CCSER1: variants seen among roughly 807,000 people sequenced by gnomAD.
The protein encoded by CCSER1 is coiled-coil serine rich protein 1, also known as serine-rich coiled-coil domain-containing protein 1.
In CCSER1, 41 loss-of-function variants were observed where a neutral mutation model predicts 82.0. The observed-to-expected ratio is 0.50, with a 90% CI of 0.39 to 0.65. The LOEUF is 0.65. Ranked by LOEUF, CCSER1 falls within the 30% of genes least tolerant of loss-of-function variation. The probability of loss-of-function intolerance (pLI) is 0.00; values close to 1 mark genes in which losing one functional copy is unlikely to be tolerated. For synonymous variants in CCSER1, 414 were observed against 383.9 expected (o/e 1.08, Z -0.92); for missense variants, 1,119 against 1,064.2 (o/e 1.05, Z -0.72).
At chr4:91,144,325 C>T (rs1729335626) in intron 10 of CCSER1, among the ~76,000 whole-genome samples, 1 of 150,494 alleles carries the variant, frequency 6.6e-6, no homozygotes. Context: ...TTTGTTGTTT[C>T]TGATTTGCAT....
At chr4:91,234,863 C>A (rs917102795) in intron 10 of CCSER1, among the ~76,000 whole-genome samples, 1 of 152,054 alleles carries the variant, frequency 6.6e-6, no homozygotes, top group Non-Finnish European at 1.5e-5. Context: ...TCTTTAGAAA[C>A]TCACGTTATC....
At chr4:91,572,816 A>T (rs1378927535) in intron 10 of CCSER1, among the ~76,000 whole-genome samples, 1 of 151,980 alleles carries the variant, frequency 6.6e-6, no homozygotes. Flanking sequence ...CTATAAAAAA[A>T]AAAAAAAAAG....
chr4:91,442,920 G>A (rs896095129), intron 10 of CCSER1, among the ~76,000 whole-genome samples: 5 of 152,230 alleles, frequency 3.3e-5, no homozygotes, highest in African/African-American at 1.2e-4. Context: ...AAACCGCAGT[G>A]AGATACCATC....
intron 10 of CCSER1, among the ~76,000 whole-genome samples, chr4:91,399,771 C>T (rs1752208100): frequency 2.0e-5 from 3 of 151,932 alleles, no homozygotes; most frequent in South Asian, 4.1e-4. Flanking sequence ...CTTGTGCTAA[C>T]ACTACCCACT....
chr4:91,489,216 A>T (rs1052026879), intron 10 of CCSER1, among the ~76,000 whole-genome samples: 7 of 152,138 alleles, frequency 4.6e-5, no homozygotes, highest in Non-Finnish European at 1.0e-4. Context: ...CAAAGCAGAG[A>T]GGGGTAGAAG....
intron 3 of CCSER1, among the ~76,000 whole-genome samples, chr4:90,366,109 C>A (rs1578132673): frequency 6.6e-6 from 1 of 151,756 alleles, no homozygotes; most frequent in East Asian, 1.9e-4. Flanking sequence ...GTATTCATAG[C>A]CATGGTAACA....
At chr4:91,189,328 T>A (rs553841400) in intron 10 of CCSER1, among the ~76,000 whole-genome samples, 2 of 152,284 alleles carry the variant, frequency 1.3e-5, no homozygotes, top group Admixed American at 6.5e-5. Context: ...ATCTAAAAAA[T>A]CAGGTTTAGA....
At chr4:90,732,056 T>TCTCTCTCTCTCTCTCTCTCA (rs761678318) in intron 7 of CCSER1, among the ~76,000 whole-genome samples, 2,412 of 144,356 alleles carry the variant, frequency 0.017, 31 homozygotes, top group Non-Finnish European at 0.028. Flanking sequence ...TCTCTCTCTC[T>TCTCTCTCTCTCTCTCTCTCA]CTCTCACTGC....
intron 1 of CCSER1, among the ~76,000 whole-genome samples, chr4:90,225,222 AC>A (rs1270105003): frequency 7.9e-6 from 1 of 126,952 alleles, no homozygotes; most frequent in Non-Finnish European, 1.6e-5. Flanking sequence ...ACACCAGCAT[AC>A]CCGGCTAATT....
intron 7 of CCSER1, among the ~76,000 whole-genome samples, chr4:90,810,680 A>G (rs1041492564): frequency 2.0e-5 from 3 of 151,800 alleles, no homozygotes; most frequent in Non-Finnish European, 4.4e-5. Context: ...AACAACAACA[A>G]CCAAAACTAG....
chr4:90,521,088 T>G (rs977794553), intron 5 of CCSER1, among the ~76,000 whole-genome samples: 2 of 152,204 alleles, frequency 1.3e-5, no homozygotes, highest in East Asian at 3.9e-4. Flanking sequence ...TTTATTAAAT[T>G]GAGGTTGAAA....
intron 5 of CCSER1, among the ~76,000 whole-genome samples, chr4:90,542,615 G>C (rs1404077433): frequency 6.6e-6 from 1 of 152,048 alleles, no homozygotes; most frequent in Non-Finnish European, 1.5e-5. Context: ...AGATAAAAAA[G>C]AGGAAAAGCT....
intron 5 of CCSER1, among the ~76,000 whole-genome samples, chr4:90,610,252 C>CAAATAAATAAATAAAT: frequency 7.4e-6 from 1 of 135,966 alleles, no homozygotes; most frequent in African/African-American, 2.7e-5. Flanking sequence ...GACTCCATCT[C>CAAATAAATAAATAAAT]AAATAAATAA....
At chr4:91,187,833 G>A (rs549132513) in intron 10 of CCSER1, among the ~76,000 whole-genome samples, 19 of 152,316 alleles carry the variant, frequency 1.2e-4, no homozygotes, top group South Asian at 4.1e-4. Context: ...GATTACAGGC[G>A]TGAGTCACCG....
At chr4:91,089,891 T>A (rs1035524406) in intron 10 of CCSER1, among the ~76,000 whole-genome samples, 4 of 152,298 alleles carry the variant, frequency 2.6e-5, no homozygotes, top group African/African-American at 9.6e-5. Context: ...AAGGTTAAAT[T>A]TTCCACAAAC....
chr4:91,122,674 G>A (rs1727191899), intron 10 of CCSER1, among the ~76,000 whole-genome samples: 1 of 151,634 alleles, frequency 6.6e-6, no homozygotes, highest in Non-Finnish European at 1.5e-5. Context: ...TCATTCCAAA[G>A]ATATACTAGC....
At chr4:91,307,443 T>C (rs2149248316) in intron 10 of CCSER1, among the ~76,000 whole-genome samples, 1 of 152,086 alleles carries the variant, frequency 6.6e-6, no homozygotes, top group East Asian at 1.9e-4. Context: ...ACTATTAAAT[T>C]TTAAGCAAAT....
intron 10 of CCSER1, among the ~76,000 whole-genome samples, chr4:91,353,272 A>G (rs1018731312): frequency 4.0e-5 from 6 of 150,592 alleles, no homozygotes; most frequent in Non-Finnish European, 1.5e-5. Context: ...AACACTAAAG[A>G]TTTCACATGA....
intron 10 of CCSER1, among the ~76,000 whole-genome samples, chr4:91,266,815 T>C (rs940656586): frequency 1.1e-4 from 16 of 152,206 alleles, no homozygotes; most frequent in African/African-American, 3.9e-4. Flanking sequence ...TATATTTTAT[T>C]ATATATCTGG....
Sources: gnomAD v4.1 joint callset for allele counts (sites outside exome capture counted in the v4.1 genomes callset) on GRCh38, gnomAD v4.1.1 for gene constraint, MANE v1.5 for transcripts, NCBI Gene and HGNC (gene_info 2026-07-23, HGNC 2026-07-21) for gene names.